The following VIT variants were observed in gnomAD, a reference collection of about 807,000 sequenced individuals.
The protein encoded by VIT is vitrin.
In VIT, 99 loss-of-function variants were observed where a neutral mutation model predicts 78.0. That is an observed-to-expected ratio of 1.27 (90% CI 1.08 to 1.50). The LOEUF is 1.50. Ranked by LOEUF, VIT falls within the 40% of genes most tolerant of loss-of-function variation. The pLI, the probability that VIT is intolerant of heterozygous loss-of-function variation, is 0.00. For synonymous variants in VIT, 374 were observed against 334.3 expected (o/e 1.12, Z -1.29); for missense variants, 1,126 against 875.3 (o/e 1.29, Z -3.61).
intron 7 of VIT, among the ~76,000 whole-genome samples, chr2:36,769,934 A>C (rs951727389): frequency 2.6e-5 from 4 of 152,240 alleles, no homozygotes; most frequent in African/African-American, 9.6e-5. Flanking sequence ...ATTTCAGTCC[A>C]ACTATATTAA....
At chr2:36,762,406 C>T (rs936573526) in intron 6 of VIT, among the ~76,000 whole-genome samples, 2 of 152,088 alleles carry the variant, frequency 1.3e-5, no homozygotes, top group African/African-American at 4.8e-5. Context: ...TCATTTTATT[C>T]ATTCATTCAA....
chr2:36,711,076 G>A (rs375157891), intron 1 of VIT, among the ~76,000 whole-genome samples: 6 of 152,142 alleles, frequency 3.9e-5, no homozygotes, highest in East Asian at 1.9e-4. Context: ...TTGGTAGTAC[G>A]AGTCTTTTTA....
In VIT at chr2:36,791,794, G is replaced by A. The variant is rs763240374; in HGVS notation, c.1058+4518G>A. 1.8e-4 allele frequency among the ~76,000 whole-genome samples: 27 copies of A among 152,228 alleles called. 1 individual carries two copies. Among genetic ancestry groups the A allele is most frequent in the East Asian group, 1.9e-4 (1 of 5,196 alleles). ...CTTGGTTTCAGCCATGGAGACCCAC[G>A]TCGGACTTGGGACCTCCGGAACTCT... On this transcript the variant is annotated intron_variant, in intron 12 of 15. Coordinates refer to ENST00000379242, the MANE Select transcript of VIT (RefSeq NM_053276.4).
chr2:36,729,967 T>C (rs954636201), intron 3 of VIT, among the ~76,000 whole-genome samples: 33 of 152,300 alleles, frequency 2.2e-4, no homozygotes, highest in Admixed American at 2.6e-4. Flanking sequence ...AATTTCACTT[T>C]TGAGTGGTGT....
chr2:36,793,880 C>T (rs994641498), intron 12 of VIT, among the ~76,000 whole-genome samples: 3 of 152,154 alleles, frequency 2.0e-5, no homozygotes, highest in South Asian at 4.1e-4. Flanking sequence ...ACTGAAAGGG[C>T]CTCAGAAGCC....
At chr2:36,805,297 C>T (rs1666626009) in intron 13 of VIT, 141 bp from the exon 14 acceptor site, 1 of 926,482 alleles carries the variant, frequency 1.1e-6, no homozygotes. Context: ...GAGCAAGACC[C>T]TGTCTCAAAG....
At chr2:36,778,650 C>G (rs1572524551) in intron 9 of VIT, among the ~76,000 whole-genome samples, 2 of 152,356 alleles carry the variant, frequency 1.3e-5, no homozygotes, top group South Asian at 4.1e-4. Flanking sequence ...GGACCCCAGA[C>G]TGTCCTCAGC....
chr2:36,812,185 C>A (rs1667220622), intron 15 of VIT, among the ~76,000 whole-genome samples: 1 of 152,100 alleles, frequency 6.6e-6, no homozygotes, highest in African/African-American at 2.4e-5. Flanking sequence ...AGAAAGGGGA[C>A]TGGCAGCTTA....
intron 3 of VIT, among the ~76,000 whole-genome samples, chr2:36,737,608 T>G (rs2160337): frequency 0.18 from 27,847 of 152,194 alleles, 3,247 homozygotes; most frequent in Non-Finnish European, 0.27. Context: ...ATGGAAAGAT[T>G]TTTGCAATCA....
chr2:36,748,201 G>A (rs1491002885), intron 4 of VIT, among the ~76,000 whole-genome samples: 7 of 152,158 alleles, frequency 4.6e-5, no homozygotes, highest in African/African-American at 1.4e-4. Context: ...TCTACCTTCA[G>A]AATGGTCATC....
intron 7 of VIT, among the ~76,000 whole-genome samples, chr2:36,771,841 T>G (rs556579309): frequency 2.2e-4 from 34 of 152,198 alleles, no homozygotes; most frequent in Non-Finnish European, 4.3e-4. Flanking sequence ...GAGAAATATG[T>G]GCGCTTAGTG....
At chr2:36,721,645 C>T (rs76651309) in intron 2 of VIT, among the ~76,000 whole-genome samples, 4,446 of 152,310 alleles carry the variant, frequency 0.029, 94 homozygotes, top group Non-Finnish European at 0.041. Flanking sequence ...CCTGATATGG[C>T]TCTTGCTCTC....
chr2:36,734,468 G>A (rs1411325669), intron 3 of VIT, among the ~76,000 whole-genome samples: 1 of 152,106 alleles, frequency 6.6e-6, no homozygotes. Context: ...TTCCCCAGAG[G>A]CCTCCTCTCA....
chr2:36,700,462 A>T (rs564676164), intron 1 of VIT, among the ~76,000 whole-genome samples: 2 of 152,198 alleles, frequency 1.3e-5, no homozygotes, highest in South Asian at 2.1e-4. Context: ...TAATAATAGG[A>T]CAGGTGTGGT....
At chr2:36,798,540 A>C (rs1321547920) in intron 12 of VIT, among the ~76,000 whole-genome samples, 1 of 152,148 alleles carries the variant, frequency 6.6e-6, no homozygotes, top group African/African-American at 2.4e-5. Context: ...ATGGATCACG[A>C]GGTCAGGAGT....
chr2:36,787,119 C>T lies in VIT; in HGVS notation c.911-10C>T, dbSNP rs368574254. 4.8e-5 allele frequency: 78 copies of T among 1,613,608 alleles called. No homozygotes were observed. The highest frequency in any genetic ancestry group is 1.9e-4 in the African/African-American group (14 of 74,870). On this transcript the variant is annotated splice_polypyrimidine_tract_variant and intron_variant, in intron 11 of 15. Transcript: ENST00000379242. ...TCATGAGAATAATAGAGTCTTTTTCCGTTCCGCAGACTGCAAAATTGACTT... is the reference window on the plus strand; with the variant it reads ...TCATGAGAATAATAGAGTCTTTTTCTGTTCCGCAGACTGCAAAATTGACTT...
At chr2:36,797,972 G>A (rs533469934) in intron 12 of VIT, among the ~76,000 whole-genome samples, 2 of 152,238 alleles carry the variant, frequency 1.3e-5, no homozygotes, top group South Asian at 2.1e-4. Context: ...GGGTGGGCAC[G>A]ATTGGGGCTT....
At chr2:36,791,516 G>C (rs1227536731) in intron 12 of VIT, among the ~76,000 whole-genome samples, 2 of 152,334 alleles carry the variant, frequency 1.3e-5, no homozygotes, top group East Asian at 3.9e-4. Context: ...TGAGATGGGG[G>C]GGTTCTCCCG....
At chr2:36,753,786 G>A (rs1295843982) in intron 4 of VIT, among the ~76,000 whole-genome samples, 1 of 152,212 alleles carries the variant, frequency 6.6e-6, no homozygotes. Context: ...AGCCCGGAGA[G>A]AAGAGAGCGA....
Sources: allele counts gnomAD v4.1 joint callset (sites outside exome capture counted in the v4.1 genomes callset), GRCh38; gene constraint gnomAD v4.1.1; transcripts MANE v1.5; gene names NCBI Gene and HGNC (gene_info 2026-07-23, HGNC 2026-07-21).